Variants in DNAH6 observed in about 807,000 individuals in gnomAD.
DNAH6 encodes the protein dynein axonemal heavy chain 6.
Under a neutral mutation model 491.4 loss-of-function variants are expected in DNAH6, and 340 were observed. That is an observed-to-expected ratio of 0.69 (90% CI 0.63 to 0.76). The LOEUF is 0.76. Among genes scored for constraint, DNAH6 ranks in the 30% least tolerant of loss-of-function variants. The pLI is 0.00. For synonymous variants in DNAH6, 1,603 were observed against 1,686.1 expected, an observed-to-expected ratio of 0.95 and a Z score of 1.21; for missense variants, 4,443 against 4,972.2, an observed-to-expected ratio of 0.89 and a Z score of 3.20.
the DNAH6 span, among the ~76,000 whole-genome samples, chr2:84,473,179 AATG>A: frequency 2.6e-5 from 4 of 152,212 alleles, no homozygotes; most frequent in African/African-American, 9.6e-5. Context: ...GATTTAGGAT[AATG>A]ATTACCAAGA....
chr2:84,532,273 G>A (rs781571826), intron 4 of DNAH6, among the ~76,000 whole-genome samples: 2 of 152,120 alleles, frequency 1.3e-5, no homozygotes, highest in Admixed American at 6.6e-5. Flanking sequence ...CAGAAGTGAC[G>A]CTTAATAGTA....
At chr2:84,535,871 T>A (rs1677643782) in intron 4 of DNAH6, among the ~76,000 whole-genome samples, 1 of 151,934 alleles carries the variant, frequency 6.6e-6, no homozygotes, top group Non-Finnish European at 1.5e-5. Context: ...CTGGAAGAAC[T>A]TTGTTTAGGA....
the DNAH6 span, among the ~76,000 whole-genome samples, chr2:84,462,445 C>T: frequency 6.6e-6 from 1 of 152,200 alleles, no homozygotes; most frequent in Non-Finnish European, 1.5e-5. Flanking sequence ...ACCTTGGGCA[C>T]CTGTCATCCA....
rs1311974975 is a variant in DNAH6 at position 84,787,294 on chromosome 2, A to G, written c.11231A>G (p.Tyr3744Cys). The change falls in exon 68 of 77, where the codon TAC becomes TGC. Residue 3744 changes from tyrosine to cysteine, a missense_variant. This residue lies in a region of DNAH6 where 1,463 missense variants were observed against 1,656.6 expected (regional missense o/e 0.88). Coordinates refer to ENST00000389394, the MANE Select transcript of DNAH6 (RefSeq NM_001370.2). The part of the protein sequence containing the change: ...EGKIPWDALI[Y>C]ITGEITYGGR... ...AAGATTCCCTGGGATGCACTAATTT[A>G]CATTACTGGTGAGTACGTCCTTGTG... 1 of 1,548,998 alleles carries G rather than the reference A, an allele frequency of 6.5e-7. No individual in the cohort carries two copies.
intron 40 of DNAH6, among the ~76,000 whole-genome samples, chr2:84,675,412 G>T (rs934558657): frequency 6.6e-6 from 1 of 151,984 alleles, no homozygotes; most frequent in African/African-American, 2.4e-5. Context: ...CTTCCTCTTG[G>T]TCTTCAGATT....
At chr2:84,526,470 G>A (rs1218070101) in intron 3 of DNAH6, among the ~76,000 whole-genome samples, 1 of 152,076 alleles carries the variant, frequency 6.6e-6, no homozygotes, top group Non-Finnish European at 1.5e-5. Flanking sequence ...TCAGCACAGT[G>A]GGGTATAAGA....
the DNAH6 span, among the ~76,000 whole-genome samples, chr2:84,487,761 A>G: frequency 6.6e-6 from 1 of 152,208 alleles, no homozygotes; most frequent in African/African-American, 2.4e-5. Flanking sequence ...GGAAGAAGCC[A>G]GAGAGCAAGG....
rs765225003 is a variant in DNAH6, at chr2:84,653,326, A to T, written c.5086A>T (p.Ile1696Leu). The part of the protein sequence containing the change: ...TDDALLFSGI[I>L]SDLFPGVQIP... ...TTATTTTTGTTTTGACAGTGGAATCATATCTGACCTTTTTCCTGGAGTCCA... is the reference window on the plus strand; with the variant it reads ...TTATTTTTGTTTTGACAGTGGAATCTTATCTGACCTTTTTCCTGGAGTCCA... The change falls in exon 34 of 77, where the codon ATA (isoleucine) becomes TTA (leucine). Residue 1696 changes from isoleucine to leucine, a missense_variant. Around this residue, in one of 3 missense-constraint regions of DNAH6, gnomAD observed 2,977 missense variants for 3,296.6 expected, o/e 0.90. Transcript: ENST00000389394. The T allele has an allele frequency of 1.4e-4, 214 of 1,522,174 alleles. No homozygotes were observed. The highest frequency in any genetic ancestry group is 1.8e-4 in the Non-Finnish European group (206 of 1,131,778). The allele number at this position is 1,522,174 out of a possible 1,614,324, so 94.3% of individuals were successfully genotyped here.
chr2:84,783,866 G>GA (rs1285356839), intron 65 of DNAH6, among the ~76,000 whole-genome samples: 5 of 152,294 alleles, frequency 3.3e-5, no homozygotes, highest in Admixed American at 6.5e-5. Context: ...GGACCAGAAA[G>GA]ATTGAGATGG....
At position 84,718,320 on chromosome 2, in the gene DNAH6, T is replaced by A; in HGVS notation, c.9728T>A (p.Leu3243His). 1 of 1,551,438 alleles carries A rather than the reference T, an allele frequency of 6.4e-7. No individual in the cohort carries two copies. The highest frequency in any genetic ancestry group is 8.7e-7 in the Non-Finnish European group (1 of 1,146,876). Reference protein sequence around the residue: ...KTIEEKILRMLFTSEGNILDN... With the variant: ...KTIEEKILRMHFTSEGNILDN... ...ATCGAAGAGAAAATCCTGAGAATGC[T>A]CTTTACCTCTGAAGGAAATATTCTG... Residue 3243 changes from leucine (L) to histidine (H), a missense_variant, in exon 59 of 77, where the codon CTC becomes CAC. Coordinates refer to ENST00000389394, the MANE Select transcript of DNAH6 (RefSeq NM_001370.2).
intron 10 of DNAH6, 50 bp from the exon 11 acceptor site, chr2:84,557,685 T>C (rs757401778): frequency 9.8e-6 from 2 of 203,144 alleles, no homozygotes; most frequent in African/African-American, 7.2e-5. Flanking sequence ...AAAAAAAAAA[T>C]TTATAAATAT....
At chr2:84,519,685 C>A (rs764987094) in intron 2 of DNAH6, among the ~76,000 whole-genome samples, 3 of 150,802 alleles carry the variant, frequency 2.0e-5, no homozygotes, top group African/African-American at 7.3e-5. Context: ...TTCCCTTACC[C>A]CTCCTTCTCC....
chr2:84,534,629 A>G (rs971953693), intron 4 of DNAH6, among the ~76,000 whole-genome samples: 3 of 151,966 alleles, frequency 2.0e-5, no homozygotes, highest in Admixed American at 6.6e-5. Context: ...TTTTGACACA[A>G]TATTAGGTGT....
intron 19 of DNAH6, 97 bp from the exon 20 acceptor site, chr2:84,605,403 A>C: frequency 1.3e-6 from 1 of 781,604 alleles, no homozygotes; most frequent in Non-Finnish European, 2.0e-6. Context: ...GGAAAATGGG[A>C]TAATTATGGA....
At position 84,611,798 on chromosome 2, in the gene DNAH6, A is replaced by T. The variant is rs1323689688; in HGVS notation, c.3419A>T (p.Glu1140Val). The T allele has an allele frequency of 1.9e-6, 3 of 1,551,216 alleles. No homozygotes were observed. The South Asian group carries it at 3.6e-5, about 18-fold the overall frequency. Residue 1140 changes from glutamate (E) to valine (V), a missense_variant, in exon 22 of 77, where the codon GAA (glutamate) becomes GTA (valine). Coordinates refer to ENST00000389394, the MANE Select transcript of DNAH6 (RefSeq NM_001370.2). ...MFLQVDKSWK[E>V]IMRKVNRLPN... ...CTTCAGGTGGATAAGTCATGGAAAG[A>T]AATCATGAGAAAGGTGAATCGGCTG...
At chr2:84,744,361 C>T (rs542210745) in intron 62 of DNAH6, among the ~76,000 whole-genome samples, 5 of 152,274 alleles carry the variant, frequency 3.3e-5, no homozygotes, top group African/African-American at 4.8e-5. Context: ...AATGTCAGTG[C>T]GAATTCTTAG....
At chr2:84,693,415 G>GCT (rs966764517) in intron 45 of DNAH6, among the ~76,000 whole-genome samples, 13 of 152,008 alleles carry the variant, frequency 8.6e-5, no homozygotes, top group African/African-American at 2.9e-4. Flanking sequence ...CTTTTTGAGT[G>GCT]CTCTCTCTCT....
intron 33 of DNAH6, among the ~76,000 whole-genome samples, chr2:84,643,307 T>G (rs1373920087): frequency 6.6e-6 from 1 of 152,016 alleles, no homozygotes; most frequent in Non-Finnish European, 1.5e-5. Context: ...ATTTTTTCTT[T>G]ATCTTTAATT....
intron 63 of DNAH6, among the ~76,000 whole-genome samples, chr2:84,752,384 A>T (rs977072409): frequency 6.6e-6 from 1 of 152,216 alleles, no homozygotes; most frequent in Non-Finnish European, 1.5e-5. Context: ...GAGTTACTTG[A>T]AAATGTTAAA....
Sources: gnomAD v4.1 joint callset for allele counts (sites outside exome capture counted in the v4.1 genomes callset) on GRCh38, gnomAD v4.1.1 for gene constraint, gnomAD v4.1.1 regional missense constraint, MANE v1.5 for transcripts, NCBI Gene and HGNC (gene_info 2026-07-23, HGNC 2026-07-21) for gene names.